The following RABGAP1L variants were observed in gnomAD, a reference collection of about 807,000 sequenced individuals.
RABGAP1L encodes the protein RAB GTPase activating protein 1 like.
RABGAP1L carries 63 observed loss-of-function variants against 137.7 expected under a neutral mutation model. The ratio of observed to expected loss-of-function variants is 0.46; its 90% CI spans 0.37 to 0.56. The LOEUF (loss-of-function observed/expected upper bound fraction) is 0.56, where lower values mean the gene tolerates loss of function less well. RABGAP1L is among the 20% of genes least tolerant of loss of function. The pLI, the probability that RABGAP1L is intolerant of heterozygous loss-of-function variation, is 0.00. For missense variants in RABGAP1L, 1,095 were observed against 1,244.0 expected, an observed-to-expected ratio of 0.88 and a Z score of 1.80; for synonymous variants, 431 against 433.7, an observed-to-expected ratio of 0.99 and a Z score of 0.08.
intron 19 of RABGAP1L, among the ~76,000 whole-genome samples, chr1:174,814,119 CAT>C (rs1690142760): frequency 2.0e-5 from 3 of 152,130 alleles, no homozygotes; most frequent in South Asian, 4.2e-4. Context: ...AATCCAGAAA[CAT>C]GGGATCTGAG....
rs1165214469 is a variant in RABGAP1L at position 174,347,490 on chromosome 1, TGTG to T, written c.1466-23488_1466-23486del. 1.7e-4 allele frequency among the ~76,000 whole-genome samples: 26 copies of T among 151,436 alleles called. 1 individual carries two copies. The highest frequency in any genetic ancestry group is 3.9e-4 in the East Asian group (2 of 5,164). ...CCCTCTTTGTGTGTGTGTGTGTGTG[TGTG>T]TGTGTGTTTTTTTCTTTGAGACTGA... On this transcript the variant is annotated intron_variant, in intron 11 of 25. Transcript: ENST00000681986.
chr1:174,855,918 C>T (rs1649209825), intron 19 of RABGAP1L, among the ~76,000 whole-genome samples: 1 of 152,186 alleles, frequency 6.6e-6, no homozygotes, highest in Non-Finnish European at 1.5e-5. Flanking sequence ...ACATAGAAAG[C>T]ACTTAGCAAC....
intron 13 of RABGAP1L, among the ~76,000 whole-genome samples, chr1:174,574,896 C>T (rs1668254131): frequency 6.6e-6 from 1 of 152,132 alleles, no homozygotes; most frequent in Admixed American, 6.6e-5. Context: ...TGGATTTTCT[C>T]TTAGATCTGT....
chr1:174,614,481 C>G (rs959793304), intron 13 of RABGAP1L, among the ~76,000 whole-genome samples: 2 of 152,166 alleles, frequency 1.3e-5, no homozygotes, highest in East Asian at 1.9e-4. Flanking sequence ...TTGTGGGTAA[C>G]CCAACCTTCC....
intron 10 of RABGAP1L, among the ~76,000 whole-genome samples, chr1:174,297,986 G>T (rs1469005694): frequency 6.6e-6 from 1 of 152,254 alleles, no homozygotes; most frequent in East Asian, 1.9e-4. Flanking sequence ...ATGCATCCGA[G>T]GGACGTGTCC....
At chr1:174,321,192 A>C (rs59142890) in intron 11 of RABGAP1L, among the ~76,000 whole-genome samples, 1 of 152,300 alleles carries the variant, frequency 6.6e-6, no homozygotes, top group East Asian at 1.9e-4. Context: ...AATTTTAGTC[A>C]GACTGATTGT....
At chr1:174,709,197 C>T (rs1680287738) in intron 17 of RABGAP1L, among the ~76,000 whole-genome samples, 1 of 152,176 alleles carries the variant, frequency 6.6e-6, no homozygotes, top group Non-Finnish European at 1.5e-5. Context: ...GATAAAACTC[C>T]CATCTCCCTG....
intron 13 of RABGAP1L, among the ~76,000 whole-genome samples, chr1:174,397,234 G>A (rs1028091585): frequency 2.6e-5 from 4 of 152,166 alleles, no homozygotes; most frequent in South Asian, 2.1e-4. Flanking sequence ...ACATTTTTTA[G>A]ATTTCTTCCC....
chr1:174,195,041 T>TAG (rs200683479), intron 1 of RABGAP1L, among the ~76,000 whole-genome samples: 2 of 152,028 alleles, frequency 1.3e-5, no homozygotes, highest in African/African-American at 4.8e-5. Context: ...AATATATATA[T>TAG]TTGGATAATT....
At chr1:174,374,331 C>G (rs1685342313) in intron 12 of RABGAP1L, among the ~76,000 whole-genome samples, 2 of 152,114 alleles carry the variant, frequency 1.3e-5, no homozygotes, top group South Asian at 2.1e-4. Flanking sequence ...TGGTGAAGAA[C>G]AGGGGCATAG....
chr1:174,438,092 C>A (rs939853451), intron 13 of RABGAP1L, among the ~76,000 whole-genome samples: 16 of 152,146 alleles, frequency 1.1e-4, no homozygotes, highest in Non-Finnish European at 1.8e-4. Context: ...AAAGGAACAA[C>A]CGGTACCAGC....
At chr1:174,575,870 G>T (rs902072992) in intron 13 of RABGAP1L, among the ~76,000 whole-genome samples, 3 of 152,140 alleles carry the variant, frequency 2.0e-5, no homozygotes, top group Non-Finnish European at 2.9e-5. Context: ...CAATGCACTG[G>T]ATATACCAGC....
At chr1:174,900,052 G>A (rs1320575274) in intron 19 of RABGAP1L, among the ~76,000 whole-genome samples, 2 of 152,152 alleles carry the variant, frequency 1.3e-5, no homozygotes, top group East Asian at 3.8e-4. Context: ...AACTCAATTT[G>A]GGAAAAACAA....
intron 12 of RABGAP1L, among the ~76,000 whole-genome samples, chr1:174,382,936 C>CT (rs1686303220): frequency 6.6e-6 from 1 of 150,904 alleles, no homozygotes; most frequent in Non-Finnish European, 1.5e-5. Context: ...TACTTTTGGT[C>CT]TTTGATGATG....
chr1:174,868,712 A>C (rs1651700509), intron 19 of RABGAP1L, among the ~76,000 whole-genome samples: 1 of 152,114 alleles, frequency 6.6e-6, no homozygotes, highest in Admixed American at 6.6e-5. Context: ...GTTCAATTTA[A>C]TGAGAGGTAA....
intron 17 of RABGAP1L, among the ~76,000 whole-genome samples, chr1:174,742,720 A>G (rs1683546456): frequency 1.3e-5 from 2 of 152,240 alleles, no homozygotes; most frequent in Non-Finnish European, 2.9e-5. Flanking sequence ...ACTGATAACT[A>G]TAACTGTAAA....
Position 174,484,177 on chromosome 1 carries a change from A to G in RABGAP1L, c.1710+90032A>G, listed in dbSNP as rs909127269. On this transcript the variant is annotated intron_variant, in intron 13 of 25. Coordinates refer to ENST00000681986, the MANE Select transcript of RABGAP1L (RefSeq NM_001366446.1). ...AGTGATATTGATTACCTTTACATAT[A>G]CCTGTGTGTCATTCGTATGTCATCT... 2.6e-5 allele frequency among the ~76,000 whole-genome samples: 4 copies of G among 152,190 alleles called. No individual in the cohort carries two copies. In the East Asian group the frequency reaches 7.7e-4, roughly 29 times the overall value.
intron 13 of RABGAP1L, among the ~76,000 whole-genome samples, chr1:174,534,842 A>G (rs1183502883): frequency 1.3e-5 from 2 of 151,262 alleles, no homozygotes; most frequent in Non-Finnish European, 1.5e-5. Context: ...AATCTTGTAC[A>G]TTGTACTTTG....
chr1:174,763,393 G>A (rs1685391626), intron 18 of RABGAP1L, among the ~76,000 whole-genome samples: 1 of 149,822 alleles, frequency 6.7e-6, no homozygotes, highest in Non-Finnish European at 1.5e-5. Flanking sequence ...GCTCACGCCT[G>A]TAATCCCAGC....
Sources: allele counts gnomAD v4.1 joint callset (sites outside exome capture counted in the v4.1 genomes callset), GRCh38; gene constraint gnomAD v4.1.1; transcripts MANE v1.5; gene names NCBI Gene and HGNC (gene_info 2026-07-23, HGNC 2026-07-21).